Variants in SPTA1 observed in about 807,000 individuals in gnomAD.
The protein encoded by SPTA1 is spectrin alpha chain, erythrocytic 1.
A neutral mutation model predicts 324.7 loss-of-function variants in SPTA1; 177 were observed. That is an observed-to-expected ratio of 0.55 (90% confidence interval 0.48 to 0.62). SPTA1 has a LOEUF of 0.62. Ranked by LOEUF, SPTA1 falls within the 20% of genes least tolerant of loss-of-function variation. The probability of loss-of-function intolerance (pLI) is 0.00; values close to 1 mark genes in which losing one functional copy is unlikely to be tolerated. For synonymous variants in SPTA1, 1,195 were observed against 1,041.3 expected, an observed-to-expected ratio of 1.15 and a Z score of -2.84; for missense variants, 3,162 against 2,883.6, an observed-to-expected ratio of 1.10 and a Z score of -2.21.
At chr1:158,669,970 G>A (rs761330812) in intron 12 of SPTA1, among the ~76,000 whole-genome samples, 184 bp from the exon 13 acceptor site, 1 of 152,088 alleles carries the variant, frequency 6.6e-6, no homozygotes, top group Non-Finnish European at 1.5e-5. Context: ...ATACCTCAGG[G>A]CATGTCAATT....
At chr1:158,635,041 T>C (rs1226036060) in intron 38 of SPTA1, among the ~76,000 whole-genome samples, 2 of 151,880 alleles carry the variant, frequency 1.3e-5, no homozygotes, top group African/African-American at 4.8e-5. Context: ...TCGTATATGA[T>C]GAAGACACCA....
rs752002349 is a variant in SPTA1 at position 158,611,369 on chromosome 1, C to A, written c.7155G>T (p.Val2385=). The change falls in exon 52 of 52, where the codon GTG becomes GTT. Residue 2385 remains valine (V), a synonymous_variant. Coordinates refer to ENST00000643759, the MANE Select transcript of SPTA1 (RefSeq NM_003126.4). ...DMKQALTPEQ[V]SFCATHMQQY... ...GCTGCATATGTGTGGCACAGAATGA[C>A]ACTTGCTCTGGGGTAAGGGCCTGAA... 2.5e-6 allele frequency: 4 copies of A among 1,613,670 alleles called. No homozygotes were observed. The East Asian group carries it at 8.9e-5, about 36-fold the overall frequency.
Position 158,666,431 on chromosome 1 carries a change from C to A in SPTA1, c.2105G>T (p.Trp702Leu). ...FENNAEDLQR[W>L]LEDVEWQVTS... Reference sequence around the variant, plus strand: ...GACTTGCCACTCAACATCCTCCAGCCAGCGCTGCAAATCTTCTGCATTATT... The same window carrying A: ...GACTTGCCACTCAACATCCTCCAGCAAGCGCTGCAAATCTTCTGCATTATT... Residue 702 changes from tryptophan (W) to leucine (L), a missense_variant, in exon 16 of 52, where the codon TGG (tryptophan) becomes TTG (leucine). Physicochemically the swap from Trp to Leu is moderately conservative, Grantham distance 61. Coordinates refer to ENST00000643759, the MANE Select transcript of SPTA1 (RefSeq NM_003126.4). The A allele has an allele frequency of 6.2e-7, 1 of 1,613,596 alleles. No homozygotes were observed. Among genetic ancestry groups the A allele is most frequent in the African/African-American group, 1.3e-5 (1 of 74,962 alleles).
At chr1:158,622,763 C>T (rs1023006191) in intron 43 of SPTA1, 6 of 506,414 alleles carry the variant, frequency 1.2e-5, no homozygotes, top group Non-Finnish European at 2.1e-5. Context: ...GCCTGGCTTC[C>T]ATCTCAAGTT....
intron 24 of SPTA1, among the ~76,000 whole-genome samples, chr1:158,650,899 T>C (rs1344816388): frequency 1.3e-5 from 2 of 152,214 alleles, no homozygotes; most frequent in Non-Finnish European, 2.9e-5. Flanking sequence ...TGCTATCCAA[T>C]ATTTGCTTTC....
intron 25 of SPTA1, among the ~76,000 whole-genome samples, chr1:158,649,453 A>T (rs1462199595): frequency 6.6e-6 from 1 of 151,896 alleles, no homozygotes. Flanking sequence ...CTAATTTTTC[A>T]TTTTTTATTT....
chr1:158,614,339 T>G (rs1649433665), intron 48 of SPTA1, 33 bp from the exon 49 acceptor site: 3 of 1,470,632 alleles, frequency 2.0e-6, no homozygotes, highest in South Asian at 2.3e-5. Flanking sequence ...GAATTTTCCC[T>G]GTATATGAAA....
At chr1:158,676,318 A>G (rs1331856550) in intron 7 of SPTA1, 23 bp from the exon 8 acceptor site, 3 of 1,612,778 alleles carry the variant, frequency 1.9e-6, no homozygotes, top group East Asian at 2.2e-5. Flanking sequence ...AAAGAAACCT[A>G]GTAGGAAATC....
Position 158,612,932 on chromosome 1 carries a change from G to A in SPTA1, c.7019C>T (p.Thr2340Ile). ...TGACTCCTTGTCAATCAGGAAAGCAGTATAGTCCTCCAGTGAGACATAGCC... is the reference window on the plus strand; with the variant it reads ...TGACTCCTTGTCAATCAGGAAAGCAATATAGTCCTCCAGTGAGACATAGCC... ...RKGYVSLEDY[T>I]AFLIDKESEN... Residue 2340 changes from threonine (T) to isoleucine (I), a missense_variant, in exon 51 of 52, where the codon ACT (threonine) becomes ATT (isoleucine). Physicochemically the swap from Thr to Ile is moderately conservative, Grantham distance 89 (BLOSUM62 -1). Transcript: ENST00000643759. 6.2e-7 allele frequency: 1 copy of A among 1,613,942 alleles called. No homozygotes were observed. Among genetic ancestry groups the A allele is most frequent in the East Asian group, 2.2e-5 (1 of 44,862 alleles).
In SPTA1 at chr1:158,683,352, C is replaced by A. The variant is rs1654941056; in HGVS notation, c.390+19G>T. 6.2e-7 allele frequency: 1 copy of A among 1,612,806 alleles called. No homozygotes were observed. The highest frequency in any genetic ancestry group is 1.7e-5 in the Admixed American group (1 of 59,912). On this transcript the variant is annotated intron_variant, in intron 3 of 51. Coordinates refer to ENST00000643759, the MANE Select transcript of SPTA1 (RefSeq NM_003126.4). ...CATAATCAATAATTGGAAACTTCTT[C>A]AAGGGCCCATACATATACCTTCGTT... is the stretch of plus-strand genomic sequence containing the variant.
At position 158,611,383 on chromosome 1, in the gene SPTA1, T is replaced by C. The variant is rs752274752; in HGVS notation, c.7141A>G (p.Thr2381Ala). 6.2e-7 allele frequency: 1 copy of C among 1,613,638 alleles called. No individual in the cohort carries two copies. Among genetic ancestry groups the C allele is most frequent in the African/African-American group, 1.3e-5 (1 of 75,008 alleles). Residue 2381 changes from threonine (T) to alanine (A), a missense_variant, in exon 52 of 52, where the codon ACC (threonine) becomes GCC (alanine). Thr to Ala is a moderately conservative substitution (Grantham distance 58). Coordinates refer to ENST00000643759, the MANE Select transcript of SPTA1 (RefSeq NM_003126.4). ...GCACAGAATGACACTTGCTCTGGGGTAAGGGCCTGAAAAGTATAAAAAGAG... is the reference window on the plus strand; with the variant it reads ...GCACAGAATGACACTTGCTCTGGGGCAAGGGCCTGAAAAGTATAAAAAGAG... ...ITKEDMKQAL[T>A]PEQVSFCATH... is the part of the protein sequence containing the mutation.
intron 10 of SPTA1, among the ~76,000 whole-genome samples, chr1:158,673,806 A>T (rs1380332055): frequency 6.6e-6 from 1 of 152,220 alleles, no homozygotes; most frequent in Non-Finnish European, 1.5e-5. Flanking sequence ...ATGAGGAAGC[A>T]CACATCATGT....
At chr1:158,657,337 G>A (rs2101876778) in intron 19 of SPTA1, 140 bp downstream of exon 19, 3 of 829,676 alleles carry the variant, frequency 3.6e-6, no homozygotes, top group East Asian at 5.0e-5. Context: ...CTCAGCAGAT[G>A]AAGGCCAACG....
intron 38 of SPTA1, among the ~76,000 whole-genome samples, chr1:158,635,039 G>A (rs1650964646): frequency 6.6e-6 from 1 of 151,972 alleles, no homozygotes; most frequent in South Asian, 2.1e-4. Context: ...TTTCGTATAT[G>A]ATGAAGACAC....
At chr1:158,632,645 T>C (rs1192363520) in intron 39 of SPTA1, among the ~76,000 whole-genome samples, 6 of 152,072 alleles carry the variant, frequency 3.9e-5, no homozygotes, top group Non-Finnish European at 8.8e-5. Context: ...AAAATAAAAG[T>C]AGTGACAACA....
At chr1:158,671,240 T>C (rs968593980) in intron 12 of SPTA1, 103 bp downstream of exon 12, 6 of 795,116 alleles carry the variant, frequency 7.5e-6, no homozygotes, top group Non-Finnish European at 1.3e-5. Flanking sequence ...ATCCTCAGGC[T>C]ATGTCTGGTA....
At chr1:158,617,134 G>A (rs747016739) in intron 47 of SPTA1, among the ~76,000 whole-genome samples, 9 of 151,844 alleles carry the variant, frequency 5.9e-5, no homozygotes, top group South Asian at 2.1e-4. Flanking sequence ...ATCTTACTAC[G>A]TCATATAATA....
At chr1:158,668,962 T>C (rs1054988187) in intron 14 of SPTA1, among the ~76,000 whole-genome samples, 4 of 152,160 alleles carry the variant, frequency 2.6e-5, no homozygotes, top group East Asian at 3.9e-4. Flanking sequence ...AGCTATAAAA[T>C]TTTATAAGTT....
At chr1:158,643,091 A>T in intron 31 of SPTA1, 115 bp from the exon 32 acceptor site, 1 of 1,424,348 alleles carries the variant, frequency 7.0e-7, no homozygotes. Context: ...ACATAGTCTT[A>T]TTATTTTCAT....
Sources: allele counts gnomAD v4.1 joint callset (sites outside exome capture counted in the v4.1 genomes callset), GRCh38; gene constraint gnomAD v4.1.1; transcripts MANE v1.5; gene names NCBI Gene and HGNC (gene_info 2026-07-23, HGNC 2026-07-21).